Variants in SLFN11 observed in about 807,000 individuals in gnomAD.
SLFN11 encodes schlafen family member 11.
SLFN11 carries 43 observed loss-of-function variants against 53.4 expected under a neutral mutation model. The ratio of observed to expected loss-of-function variants is 0.80; its 90% confidence interval spans 0.63 to 1.04. SLFN11 has a LOEUF of 1.04. SLFN11 is among the 50% of genes least tolerant of loss of function. The pLI is 0.00. For missense variants in SLFN11, 990 were observed against 1,079.1 expected (o/e 0.92, Z 1.16); for synonymous variants, 389 against 394.7 (o/e 0.99, Z 0.17).
At position 35,363,843 on chromosome 17, in the gene SLFN11, A is replaced by G; in HGVS notation, c.-19-17T>C. On this transcript the variant is annotated splice_polypyrimidine_tract_variant and intron_variant, in intron 3 of 6. Coordinates refer to ENST00000685675, the MANE Select transcript of SLFN11 (RefSeq NM_001376007.1). ...CAGCTGAAACTATTAGAAGAAATGA[A>G]GTGTTACATGCATGCAATTCATTTA... The G allele has an allele frequency of 6.6e-7, 1 of 1,511,924 alleles. No individual in the cohort carries two copies. The highest frequency in any genetic ancestry group is 1.4e-5 in the African/African-American group (1 of 71,570). The allele number at this position is 1,511,924 out of a possible 1,614,324, so 93.7% of individuals were successfully genotyped here.
At chr17:35,362,356 A>T (rs4795072) in intron 4 of SLFN11, among the ~76,000 whole-genome samples, 63,448 of 151,920 alleles carry the variant, frequency 0.42, 14,593 homozygotes, top group South Asian at 0.52. Context: ...TTCTGATACG[A>T]TTTATTTAGG....
At chr17:35,357,244 G>A (rs1261389234) in intron 5 of SLFN11, among the ~76,000 whole-genome samples, 7 of 150,890 alleles carry the variant, frequency 4.6e-5, no homozygotes, top group Admixed American at 1.3e-4. Context: ...GTTGTGATAC[G>A]GGTTGCAAAT....
Position 35,363,411 on chromosome 17 carries a change from A to G in SLFN11, c.397T>C (p.Tyr133His). Reference sequence around the variant, plus strand: ...CGCACAGAGGTCTCAGATCTACGGTATAATGAAGAACTGAGGCTGCAAAGG... The same window carrying G: ...CGCACAGAGGTCTCAGATCTACGGTGTAATGAAGAACTGAGGCTGCAAAGG... ...PRLCSLSSSLYRRSETSVRSM... is the reference protein window; with the variant it reads ...PRLCSLSSSLHRRSETSVRSM... The change falls in exon 4 of 7, where the codon TAC (tyrosine) becomes CAC (histidine). Residue 133 changes from tyrosine to histidine, a missense_variant. Tyr to His is a moderately conservative substitution (Grantham distance 83). Coordinates refer to ENST00000685675, the MANE Select transcript of SLFN11 (RefSeq NM_001376007.1). 1 of 1,614,016 alleles carries G rather than the reference A, an allele frequency of 6.2e-7. No homozygotes were observed. The highest frequency in any genetic ancestry group is 8.5e-7 in the Non-Finnish European group (1 of 1,179,982).
intron 1 of SLFN11, 69 bp from the exon 2 acceptor site, chr17:35,367,769 G>A (rs922380773): frequency 1.3e-5 from 2 of 151,716 alleles, no homozygotes; most frequent in African/African-American, 2.4e-5. Flanking sequence ...TCTCAGCTCT[G>A]CCATTTATTA....
At chr17:35,358,901 T>C (rs1330479688) in intron 5 of SLFN11, among the ~76,000 whole-genome samples, 1 of 152,076 alleles carries the variant, frequency 6.6e-6, no homozygotes, top group Non-Finnish European at 1.5e-5. Context: ...GCCTATAGTC[T>C]TAGCTTCTCA....
At position 35,353,490 on chromosome 17, in the gene SLFN11, G is replaced by C. The variant is rs762477778; in HGVS notation, c.1768C>G (p.Arg590Gly). The C allele has an allele frequency of 6.4e-7, 1 of 1,558,758 alleles. No homozygotes were observed. The highest frequency in any genetic ancestry group is 2.3e-5 in the East Asian group (1 of 43,890). The change falls in exon 6 of 7, where the codon CGC (arginine) becomes GGC (glycine). Residue 590 changes from arginine to glycine, a missense_variant. By Grantham distance (125) the Arg-to-Gly change is moderately radical. Around this residue, in one of 3 missense-constraint regions of SLFN11, gnomAD observed 156 missense variants for 241.9 expected, o/e 0.64. Transcript: ENST00000685675. ...TGGACAAACAACTCTCTGTTCTTGC[G>C]GAGGCTTCTGGAGAATATCTCATAC... ...QQYEIFSRSLRKNRELFVHGL... is the reference protein window; with the variant it reads ...QQYEIFSRSLGKNRELFVHGL...
At chr17:35,371,806 A>G (rs1909703853) in intron 1 of SLFN11, among the ~76,000 whole-genome samples, 1 of 152,112 alleles carries the variant, frequency 6.6e-6, no homozygotes, top group African/African-American at 2.4e-5. Flanking sequence ...CTTTTATCCA[A>G]AAGACGGGCA....
rs1908443587 is a variant in SLFN11, at chr17:35,363,019, T to G, written c.789A>C (p.Glu263Asp). 2 of 1,613,926 alleles carry G rather than the reference T, an allele frequency of 1.2e-6. No homozygotes were observed. The highest frequency in any genetic ancestry group is 1.7e-6 in the Non-Finnish European group (2 of 1,180,002). Residue 263 changes from glutamate (E) to aspartate (D), a missense_variant, in exon 4 of 7, where the codon GAA becomes GAC. Physicochemically the swap from Glu to Asp is conservative, Grantham distance 45. Transcript: ENST00000685675. The stretch of plus-strand genomic sequence containing the variant: ...TTCTCAAAGAGTCAGGGTCAACATT[T>G]TCTTTTGCACATCCCAGGACTTCCC... ...KSREVLGCAK[E>D]NVDPDSLRRK...
At chr17:35,355,441 T>G (rs915807650) in intron 5 of SLFN11, among the ~76,000 whole-genome samples, 6 of 151,972 alleles carry the variant, frequency 3.9e-5, no homozygotes, top group Middle Eastern at 6.3e-3. Context: ...TTGCCCAACA[T>G]CACACCACTA....
intron 1 of SLFN11, among the ~76,000 whole-genome samples, chr17:35,368,290 A>G (rs1454399758): frequency 1.3e-5 from 2 of 151,798 alleles, no homozygotes; most frequent in Non-Finnish European, 2.9e-5. Flanking sequence ...CCCCTTCTCC[A>G]GCAGTGACCA....
intron 5 of SLFN11, among the ~76,000 whole-genome samples, chr17:35,358,813 T>C (rs1214382117): frequency 6.6e-6 from 1 of 152,082 alleles, no homozygotes; most frequent in African/African-American, 2.4e-5. Flanking sequence ...CTTTTCCTTT[T>C]TTTCTATCTT....
chr17:35,358,781 C>A (rs917645128), intron 5 of SLFN11, among the ~76,000 whole-genome samples: 1 of 152,038 alleles, frequency 6.6e-6, no homozygotes, highest in African/African-American at 2.4e-5. Flanking sequence ...TAGGATTAAT[C>A]TGAGTTTTCC....
chr17:35,371,405 A>G (rs551100140), intron 1 of SLFN11, among the ~76,000 whole-genome samples: 1 of 152,238 alleles, frequency 6.6e-6, no homozygotes, highest in African/African-American at 2.4e-5. Context: ...CAGGACATTG[A>G]TCTGAGCAAA....
intron 3 of SLFN11, among the ~76,000 whole-genome samples, chr17:35,365,268 G>A (rs1014621270): frequency 1.3e-5 from 2 of 152,060 alleles, no homozygotes; most frequent in Admixed American, 6.6e-5. Flanking sequence ...CTGAGACAGA[G>A]GCACTTGGTA....
At chr17:35,372,046 A>C (rs2141999669) in intron 1 of SLFN11, among the ~76,000 whole-genome samples, 1 of 152,318 alleles carries the variant, frequency 6.6e-6, no homozygotes, top group Non-Finnish European at 1.5e-5. Flanking sequence ...CACTGTTTAA[A>C]ATAGCTAAGA....
At chr17:35,372,725 T>C (rs1909843541) in intron 1 of SLFN11, among the ~76,000 whole-genome samples, 2 of 152,126 alleles carry the variant, frequency 1.3e-5, no homozygotes, top group Admixed American at 1.3e-4. Flanking sequence ...TACATGCCTG[T>C]CTTAAAATAT....
chr17:35,352,379 T>C lies in SLFN11; in HGVS notation c.2683A>G (p.Ile895Val). 1 of 1,614,052 alleles carries C rather than the reference T, an allele frequency of 6.2e-7. No homozygotes were observed. Among genetic ancestry groups the C allele is most frequent in the Non-Finnish European group, 8.5e-7 (1 of 1,179,960 alleles). ...TCCTAATGGCCACCCCACGGAAAAATATACAGGTGTTGTTTTGCCCTGGAA... is the reference window on the plus strand; with the variant it reads ...TCCTAATGGCCACCCCACGGAAAAACATACAGGTGTTGTTTTGCCCTGGAA... ...LASRAKQHLY[I>V]FPWGGH The change falls in exon 7 of 7, where the codon ATT becomes GTT. Residue 895 changes from isoleucine (I) to valine (V), a missense_variant. Ile to Val is a conservative substitution (Grantham distance 29). Around this residue, in one of 3 missense-constraint regions of SLFN11, gnomAD observed 313 missense variants for 320.9 expected, o/e 0.98. Coordinates refer to ENST00000685675, the MANE Select transcript of SLFN11 (RefSeq NM_001376007.1).
At position 35,353,546 on chromosome 17, in the gene SLFN11, C is replaced by T. The variant is rs767974667; in HGVS notation, c.1712G>A (p.Cys571Tyr). 2.7e-5 allele frequency: 37 copies of T among 1,351,830 alleles called. No individual in the cohort carries two copies. Among genetic ancestry groups the T allele is most frequent in the Middle Eastern group, 2.5e-4 (1 of 3,986 alleles). 83.7% of individuals were successfully genotyped at this position (1,351,830 alleles called of 1,614,324 possible). Residue 571 changes from cysteine to tyrosine, a missense_variant, in exon 6 of 7, where the codon TGT (cysteine) becomes TAT (tyrosine). By Grantham distance (194) the Cys-to-Tyr change is radical. Coordinates refer to ENST00000685675, the MANE Select transcript of SLFN11 (RefSeq NM_001376007.1). ...GGCTGTGAGCAGATTTAAAACCTCA[C>T]AGCCGAGCTGGTCACTCAAGAGAGA... ...FRSLLSDQLGCEVLNLLTAQQ... is the reference protein window; with the variant it reads ...FRSLLSDQLGYEVLNLLTAQQ...
intron 1 of SLFN11, among the ~76,000 whole-genome samples, chr17:35,372,800 A>AAAAAG (rs1396819914): frequency 1.3e-5 from 2 of 152,090 alleles, no homozygotes; most frequent in Admixed American, 6.5e-5. Flanking sequence ...TAATTTAAAA[A>AAAAAG]AAAAGAAAAG....
Sources: gnomAD v4.1 joint callset for allele counts (sites outside exome capture counted in the v4.1 genomes callset) on GRCh38, gnomAD v4.1.1 for gene constraint, gnomAD v4.1.1 regional missense constraint, MANE v1.5 for transcripts, NCBI Gene and HGNC (gene_info 2026-07-23, HGNC 2026-07-21) for gene names.